The following C18orf63 variants were observed in gnomAD, a reference collection of about 807,000 sequenced individuals.
The protein encoded by C18orf63 is uncharacterized protein C18orf63.
In C18orf63, 50 loss-of-function variants were observed where a neutral mutation model predicts 75.3. The ratio of observed to expected loss-of-function variants is 0.66; its 90% confidence interval spans 0.53 to 0.84. The LOEUF (loss-of-function observed/expected upper bound fraction) is 0.84, where lower values mean the gene tolerates loss of function less well. Among genes scored for constraint, C18orf63 ranks in the 40% least tolerant of loss-of-function variants. The probability of loss-of-function intolerance (pLI) is 0.00; values close to 1 mark genes in which losing one functional copy is unlikely to be tolerated. For synonymous variants in C18orf63, 232 were observed against 267.6 expected (o/e 0.87, Z 1.30); for missense variants, 732 against 800.2 (o/e 0.91, Z 1.03).
Position 74,328,284 on chromosome 18 carries a change from G to A in C18orf63, c.382+226G>A, listed in dbSNP as rs187982125. ...ATCTTACTTGGCAGCAGGCAAGAGA[G>A]CATGCTCATGGGAACTCCCCTTTAT... is the stretch of plus-strand genomic sequence containing the variant. On this transcript the variant is annotated intron_variant, in intron 5 of 13. Coordinates refer to ENST00000579455, the MANE Select transcript of C18orf63 (RefSeq NM_001174123.2). 1.0e-3 allele frequency among the ~76,000 whole-genome samples: 159 copies of A among 152,306 alleles called. 1 individual carries two copies. Among genetic ancestry groups the A allele is most frequent in the Admixed American group, 4.1e-3 (63 of 15,300 alleles).
At chr18:74,342,405 C>A in intron 10 of C18orf63, 79 bp downstream of exon 10, 1 of 787,782 alleles carries the variant, frequency 1.3e-6, no homozygotes, top group Non-Finnish European at 2.1e-6. Context: ...TCATGTCATA[C>A]TTTTCAACCT....
intron 11 of C18orf63, among the ~76,000 whole-genome samples, chr18:74,350,682 C>T (rs1568240401): frequency 6.6e-6 from 1 of 152,178 alleles, no homozygotes; most frequent in Admixed American, 6.5e-5. Flanking sequence ...TTTCACTCAG[C>T]TGAGCAATGT....
At chr18:74,349,968 A>G (rs891642584) in intron 11 of C18orf63, among the ~76,000 whole-genome samples, 3 of 152,164 alleles carry the variant, frequency 2.0e-5, no homozygotes, top group African/African-American at 7.2e-5. Flanking sequence ...TAAATTTTAG[A>G]TTTCCAGGCT....
chr18:74,318,012 A>C lies in C18orf63; in HGVS notation c.134+13A>C. 6.8e-7 allele frequency: 1 copy of C among 1,467,410 alleles called. No individual in the cohort carries two copies. Among genetic ancestry groups the C allele is most frequent in the Non-Finnish European group, 9.0e-7 (1 of 1,109,530 alleles). 90.9% of individuals were successfully genotyped at this position (1,467,410 alleles called of 1,614,324 possible). On this transcript the variant is annotated intron_variant, in intron 2 of 13. Transcript: ENST00000579455. ...TGAAGATGTGCAGGTAAAAAAATAC[A>C]TCTTATAACTAAGACTTTTAAAACT... is the stretch of plus-strand genomic sequence containing the variant.
chr18:74,347,740 C>T (rs938769990), intron 11 of C18orf63, among the ~76,000 whole-genome samples: 9 of 152,328 alleles, frequency 5.9e-5, no homozygotes, highest in African/African-American at 1.9e-4. Context: ...GATCAGACTA[C>T]TTGATAAAAC....
chr18:74,349,713 CT>C (rs1984634841), intron 11 of C18orf63, among the ~76,000 whole-genome samples: 1 of 152,082 alleles, frequency 6.6e-6, no homozygotes, highest in African/African-American at 2.4e-5. Flanking sequence ...TTCCACAAAA[CT>C]GGTCCCTGGT....
chr18:74,330,934 G>A lies in C18orf63; in HGVS notation c.493G>A (p.Ala165Thr), dbSNP rs756862453. The A allele has an allele frequency of 1.4e-6, 2 of 1,432,560 alleles. No homozygotes were observed. Among genetic ancestry groups the A allele is most frequent in the Non-Finnish European group, 1.9e-6 (2 of 1,073,092 alleles). The allele number at this position is 1,432,560 out of a possible 1,614,324, so 88.7% of individuals were successfully genotyped here. ...AGAAGCTTGCACAATCAGACTGCCA[G>A]CACCTGAGGTACCATATATTGTGAT... Reference protein sequence around the residue: ...SIEACTIRLPAPELKEFEISQ... With the variant: ...SIEACTIRLPTPELKEFEISQ... Residue 165 changes from alanine (A) to threonine (T), a missense_variant, in exon 7 of 14, where the codon GCA becomes ACA. Transcript: ENST00000579455.
intron 7 of C18orf63, among the ~76,000 whole-genome samples, chr18:74,336,130 T>C (rs972897696): frequency 2.6e-5 from 4 of 152,046 alleles, no homozygotes; most frequent in Non-Finnish European, 5.9e-5. Flanking sequence ...CACAAAGCAG[T>C]TAAGTAAGTT....
intron 7 of C18orf63, among the ~76,000 whole-genome samples, 157 bp from the exon 8 acceptor site, chr18:74,338,558 C>T (rs536006959): frequency 6.6e-6 from 1 of 152,260 alleles, no homozygotes; most frequent in East Asian, 1.9e-4. Flanking sequence ...GCAACTTTGA[C>T]TACTTATGTA....
Position 74,349,900 on chromosome 18 carries a change from T to C in C18orf63, c.979-3346T>C, listed in dbSNP as rs550672230. ...CTTCTACTTCCAAATATTTTATGAGTGCATCTGATTGGCTGGTTCTAAATC... is the reference window on the plus strand; with the variant it reads ...CTTCTACTTCCAAATATTTTATGAGCGCATCTGATTGGCTGGTTCTAAATC... On this transcript the variant is annotated intron_variant, in intron 11 of 13. Transcript: ENST00000579455. Among the ~76,000 whole-genome samples, 4 of 152,282 alleles carry C rather than the reference T, an allele frequency of 2.6e-5. No homozygotes were observed. The East Asian group carries it at 7.7e-4, about 29-fold the overall frequency.
At chr18:74,322,868 C>T (rs917507417) in intron 4 of C18orf63, 114 bp downstream of exon 4, 4 of 333,256 alleles carry the variant, frequency 1.2e-5, no homozygotes, top group Middle Eastern at 4.3e-4. Context: ...CATTGTTATG[C>T]GTATGAAAGA....
At chr18:74,328,092 G>A in intron 5 of C18orf63, 34 bp downstream of exon 5, 9 of 1,223,716 alleles carry the variant, frequency 7.4e-6, no homozygotes, top group Non-Finnish European at 9.3e-6. Flanking sequence ...GGGGCTTTCT[G>A]AACTAGATTA....
At chr18:74,317,391 C>T (rs1468070023) in intron 1 of C18orf63, among the ~76,000 whole-genome samples, 4 of 152,080 alleles carry the variant, frequency 2.6e-5, no homozygotes, top group Non-Finnish European at 4.4e-5. Flanking sequence ...CATTTTCTGT[C>T]GTGTACAATG....
At chr18:74,350,079 G>C (rs912595010) in intron 11 of C18orf63, among the ~76,000 whole-genome samples, 1 of 152,160 alleles carries the variant, frequency 6.6e-6, no homozygotes, top group East Asian at 1.9e-4. Context: ...TGTGGGGTGT[G>C]GGGGTAGGAG....
At chr18:74,325,793 C>G (rs184154769) in intron 4 of C18orf63, among the ~76,000 whole-genome samples, 1 of 152,300 alleles carries the variant, frequency 6.6e-6, no homozygotes, top group African/African-American at 2.4e-5. Context: ...GCAGTTTTCC[C>G]TGCAATGGGA....
At chr18:74,331,445 T>A (rs1984304987) in intron 7 of C18orf63, among the ~76,000 whole-genome samples, 1 of 152,218 alleles carries the variant, frequency 6.6e-6, no homozygotes, top group Non-Finnish European at 1.5e-5. Context: ...TACACACTAG[T>A]GTCACTCAAT....
At chr18:74,325,770 G>T (rs1367373392) in intron 4 of C18orf63, among the ~76,000 whole-genome samples, 2 of 152,192 alleles carry the variant, frequency 1.3e-5, no homozygotes, top group Non-Finnish European at 2.9e-5. Context: ...CATTGTTCAT[G>T]CCCATCCTGA....
chr18:74,348,415 T>G (rs12965832), intron 11 of C18orf63, among the ~76,000 whole-genome samples: 77,712 of 152,078 alleles, frequency 0.51, 20,490 homozygotes, highest in Middle Eastern at 0.58. Context: ...GGTGGTGCAA[T>G]GCACTGAACC....
At chr18:74,346,128 C>T (rs1487703414) in intron 11 of C18orf63, among the ~76,000 whole-genome samples, 1 of 151,962 alleles carries the variant, frequency 6.6e-6, no homozygotes, top group Non-Finnish European at 1.5e-5. Context: ...GTCTTTTGTA[C>T]TTCCTATACA....
Sources: allele counts gnomAD v4.1 joint callset (sites outside exome capture counted in the v4.1 genomes callset), GRCh38; gene constraint gnomAD v4.1.1; transcripts MANE v1.5; gene names NCBI Gene and HGNC (gene_info 2026-07-23, HGNC 2026-07-21).